GSN: variants seen among roughly 807,000 people sequenced by gnomAD.
The protein encoded by GSN is actin-depolymerizing factor.
GSN carries 56 observed loss-of-function variants against 85.7 expected under a neutral mutation model. The observed-to-expected ratio is 0.65, with a 90% confidence interval of 0.53 to 0.82. GSN has a LOEUF of 0.82. Among genes scored for constraint, GSN ranks in the 40% least tolerant of loss-of-function variants. GSN has a pLI of 0.00. For missense variants in GSN, 857 were observed against 979.8 expected (o/e 0.87, Z 1.67); for synonymous variants, 373 against 399.1 (o/e 0.93, Z 0.78).
intron 1 of GSN, among the ~76,000 whole-genome samples, chr9:121,278,140 G>T (rs981705028): frequency 7.9e-5 from 12 of 151,874 alleles, no homozygotes; most frequent in Non-Finnish European, 1.3e-4. Flanking sequence ...AGCCTGCGTT[G>T]GTGGGAACTG....
intron 6 of GSN, among the ~76,000 whole-genome samples, chr9:121,255,229 T>G (rs563769997): frequency 5.9e-5 from 9 of 152,142 alleles, no homozygotes; most frequent in Non-Finnish European, 1.0e-4. Context: ...AGTACAGGTG[T>G]GAACCACCGC....
At chr9:121,303,618 G>C (rs1385752114) in intron 4 of GSN, among the ~76,000 whole-genome samples, 2 of 152,062 alleles carry the variant, frequency 1.3e-5, no homozygotes, top group Non-Finnish European at 2.9e-5. Flanking sequence ...GCTCCAAGAG[G>C]CTGCACCCTA....
chr9:121,328,046 TC>T (rs2063442833), intron 14 of GSN, among the ~76,000 whole-genome samples: 1 of 150,794 alleles, frequency 6.6e-6, no homozygotes, highest in Non-Finnish European at 1.5e-5. Flanking sequence ...AAGGAGGCGG[TC>T]CCTCGCTAGG....
intron 6 of GSN, among the ~76,000 whole-genome samples, chr9:121,256,655 A>T (rs1264053687): frequency 1.3e-5 from 2 of 152,212 alleles, no homozygotes; most frequent in Non-Finnish European, 2.9e-5. Flanking sequence ...AGGCAGGTGG[A>T]TCACCTGAGG....
rs1201243869 is a variant in GSN, at chr9:121,324,607, C to T, written c.1379C>T (p.Ala460Val). The change falls in exon 12 of 18, where the codon GCT (alanine) becomes GTT (valine). Residue 460 changes from alanine to valine, a missense_variant. By Grantham distance (64) the Ala-to-Val change is moderately conservative. Coordinates refer to ENST00000432226, the MANE Select transcript of GSN (RefSeq NM_198252.3). ...DEVAASAILT[A>V]QLDEELGGTP... ...GTCGCTGCATCTGCCATCCTGACTG[C>T]TCAGCTGGATGAGGAGCTGGGAGGT... 3.2e-6 allele frequency: 5 copies of T among 1,545,700 alleles called. No homozygotes were observed. Among genetic ancestry groups the T allele is most frequent in the Non-Finnish European group, 4.4e-6 (5 of 1,143,424 alleles).
chr9:121,233,422 G>A (rs981838431), intron 5 of GSN, among the ~76,000 whole-genome samples: 11 of 152,130 alleles, frequency 7.2e-5, no homozygotes, highest in Non-Finnish European at 1.0e-4. Context: ...CTGAGATCAC[G>A]CCACTGCACT....
chr9:121,309,164 T>A (rs1224336764), intron 4 of GSN: 2 of 152,286 alleles, frequency 1.3e-5, no homozygotes, highest in Non-Finnish European at 2.9e-5. Flanking sequence ...TCTCTGGGCT[T>A]CAGTTTACCG....
In GSN at chr9:121,253,956, C is replaced by G. The variant is rs144032819; in HGVS notation, c.-341+5633C>G. 5.1e-4 allele frequency among the ~76,000 whole-genome samples: 77 copies of G among 152,274 alleles called. No individual in the cohort carries two copies. The Middle Eastern group carries it at 0.01, about 20-fold the overall frequency. ...CTTCACTTTCTTCTTCTCCTTTCCT[C>G]TGGTCTCCTACTCTTTTGAGAAAAT... On this transcript the variant is annotated intron_variant, in intron 6 of 24. Transcript: ENST00000373823.
chr9:121,251,336 C>T (rs948703656), intron 6 of GSN, among the ~76,000 whole-genome samples: 1 of 151,524 alleles, frequency 6.6e-6, no homozygotes, highest in African/African-American at 2.4e-5. Flanking sequence ...CACCTGTCAC[C>T]ATACTTGGCT....
chr9:121,286,682 A>C (rs2132742189), intron 2 of GSN: 1 of 1,535,174 alleles, frequency 6.5e-7, no homozygotes, highest in Middle Eastern at 1.7e-4. Context: ...GAAAGGAGAC[A>C]ATTTGTGATT....
intron 1 of GSN, among the ~76,000 whole-genome samples, chr9:121,273,194 G>C (rs995085131): frequency 6.6e-6 from 1 of 152,174 alleles, no homozygotes; most frequent in Non-Finnish European, 1.5e-5. Flanking sequence ...GAGTGGATTC[G>C]TTTATTCTGC....
At chr9:121,224,651 G>C (rs533693519) in intron 4 of GSN, among the ~76,000 whole-genome samples, 16 of 149,736 alleles carry the variant, frequency 1.1e-4, no homozygotes, top group Non-Finnish European at 2.1e-4. Flanking sequence ...CTTTTAGTCT[G>C]AATACCAGTG....
chr9:121,235,009 G>C (rs1579096), intron 5 of GSN, among the ~76,000 whole-genome samples: 1 of 152,276 alleles, frequency 6.6e-6, no homozygotes, highest in Non-Finnish European at 1.5e-5. Flanking sequence ...GGGAGGCGCA[G>C]AGGAAAGGCT....
chr9:121,314,781 A>G (rs867284167), intron 7 of GSN, among the ~76,000 whole-genome samples: 1 of 152,240 alleles, frequency 6.6e-6, no homozygotes, highest in South Asian at 2.1e-4. Context: ...TACCCAGTTA[A>G]AAAATCAGCC....
intron 2 of GSN, among the ~76,000 whole-genome samples, chr9:121,295,976 A>C (rs2059179150): frequency 6.6e-6 from 1 of 152,228 alleles, no homozygotes. Context: ...CTAAATGGCC[A>C]CAGCCTGGGG....
Position 121,261,746 on chromosome 9 carries a change from C to T in GSN, c.-340-3408C>T, listed in dbSNP as rs576584217. ...AGCTCATTCACCTTAAACACCTCCACGCCCGTACCTAGGGGGTTCCCATGA... is the reference window on the plus strand; with the variant it reads ...AGCTCATTCACCTTAAACACCTCCATGCCCGTACCTAGGGGGTTCCCATGA... On this transcript the variant is annotated intron_variant, in intron 6 of 24. Coordinates refer to the GSN transcript ENST00000373823. The surrounding 1 kb of genome is among the most constrained non-coding windows in gnomAD (Gnocchi z 4.1). Among the ~76,000 whole-genome samples the T allele has an allele frequency of 5.3e-5, 8 of 152,332 alleles. No homozygotes were observed. The highest frequency in any genetic ancestry group is 1.9e-4 in the East Asian group (1 of 5,192).
At chr9:121,215,039 A>G (rs977072481) in intron 4 of GSN, among the ~76,000 whole-genome samples, 3 of 152,114 alleles carry the variant, frequency 2.0e-5, no homozygotes, top group African/African-American at 7.2e-5. Context: ...TCTGAGACTG[A>G]GTAAATCCTT....
At chr9:121,307,047 G>A (rs1218849066) in intron 4 of GSN, among the ~76,000 whole-genome samples, 2 of 152,208 alleles carry the variant, frequency 1.3e-5, no homozygotes, top group African/African-American at 2.4e-5. Context: ...CGGGCGTGGT[G>A]GCGGGTGCCC....
rs978062756 is a variant in GSN, at chr9:121,329,680, C to A, written c.1965+365C>A. 1.3e-5 allele frequency among the ~76,000 whole-genome samples: 2 copies of A among 152,190 alleles called. No homozygotes were observed. The highest frequency in any genetic ancestry group is 1.5e-5 in the Non-Finnish European group (1 of 68,030). The stretch of plus-strand genomic sequence containing the variant: ...CATCTTGTTTGCAGGCATAAACTGT[C>A]CAGTGTCACCTAGAGGCTCTAGAGG... On this transcript the variant is annotated intron_variant, in intron 16 of 17. Transcript: ENST00000432226. This position sits in a 1 kb window ranked among gnomAD's most constrained non-coding sequence, Gnocchi z 4.6.
Sources: gnomAD v4.1 joint callset for allele counts (sites outside exome capture counted in the v4.1 genomes callset) on GRCh38, gnomAD v4.1.1 for gene constraint, Gnocchi (gnomAD v3.1) non-coding constraint, MANE v1.5 for transcripts, NCBI Gene and HGNC (gene_info 2026-07-23, HGNC 2026-07-21) for gene names.